The following SSH2 variants were observed in gnomAD, a reference collection of about 807,000 sequenced individuals.
SSH2 encodes protein phosphatase Slingshot homolog 2.
In SSH2, 37 loss-of-function variants were observed where a neutral mutation model predicts 135.2. The ratio of observed to expected loss-of-function variants is 0.27; its 90% CI spans 0.21 to 0.36. The LOEUF (loss-of-function observed/expected upper bound fraction) is 0.36, where lower values mean the gene tolerates loss of function less well. SSH2 is among the 10% of genes least tolerant of loss of function. The pLI, the probability that SSH2 is intolerant of heterozygous loss-of-function variation, is 1.00. For synonymous variants in SSH2, 628 were observed against 646.2 expected (o/e 0.97, Z 0.43); for missense variants, 1,408 against 1,765.3 (o/e 0.80, Z 3.63).
intron 14 of SSH2, among the ~76,000 whole-genome samples, chr17:29,642,174 A>T (rs1460417862): frequency 1.3e-5 from 2 of 152,162 alleles, no homozygotes; most frequent in African/African-American, 4.8e-5. Context: ...CCAGGAGTCC[A>T]CATCTTTCCT....
chr17:29,911,137 G>T (rs183641921), intron 1 of SSH2, among the ~76,000 whole-genome samples: 1 of 152,286 alleles, frequency 6.6e-6, no homozygotes, highest in Non-Finnish European at 1.5e-5. Flanking sequence ...GCTTAAAAGG[G>T]CTAGGTGCTA....
chr17:29,769,567 A>G (rs565939589), intron 3 of SSH2, among the ~76,000 whole-genome samples: 1 of 152,298 alleles, frequency 6.6e-6, no homozygotes, highest in Admixed American at 6.5e-5. Flanking sequence ...TGTAGTTTTT[A>G]CACAACATCC....
At chr17:29,831,985 C>T (rs1475956648) in intron 2 of SSH2, among the ~76,000 whole-genome samples, 1 of 152,086 alleles carries the variant, frequency 6.6e-6, no homozygotes, top group Non-Finnish European at 1.5e-5. Flanking sequence ...GTAAGTTTTG[C>T]TCATTTTTCA....
intron 2 of SSH2, among the ~76,000 whole-genome samples, chr17:29,829,914 A>T (rs2042812927): frequency 6.9e-6 from 1 of 145,526 alleles, no homozygotes; most frequent in South Asian, 2.1e-4. Context: ...ATCTCGGTTC[A>T]CTGCAAGCTC....
In SSH2 at chr17:29,636,480, C is replaced by G; in HGVS notation, c.1750G>C (p.Gly584Arg). Residue 584 changes from glycine (G) to arginine (R), a missense_variant, in exon 15 of 16, where the codon GGG becomes CGG. Gly to Arg is a moderately radical substitution (Grantham distance 125). Transcript: ENST00000540801. ...AATTTTGATTCATTCAGACAACACC[C>G]TGATGAGCATCCATTGATGTCATTT... Reference protein sequence around the residue: ...NLNDINGCSSGCCLNESKFPL... With the variant: ...NLNDINGCSSRCCLNESKFPL... The G allele has an allele frequency of 2.5e-6, 4 of 1,614,220 alleles. No homozygotes were observed. Among genetic ancestry groups the G allele is most frequent in the Non-Finnish European group, 3.4e-6 (4 of 1,180,030 alleles).
At chr17:29,642,454 C>A (rs2036202481) in intron 14 of SSH2, among the ~76,000 whole-genome samples, 1 of 151,990 alleles carries the variant, frequency 6.6e-6, no homozygotes, top group African/African-American at 2.4e-5. Context: ...AAATCTAAAC[C>A]TCTCTAATGG....
At chr17:29,766,669 TA>T (rs1315793714) in intron 3 of SSH2, among the ~76,000 whole-genome samples, 1 of 152,168 alleles carries the variant, frequency 6.6e-6, no homozygotes, top group Non-Finnish European at 1.5e-5. Context: ...TACATAATTT[TA>T]GTTTTAAAAT....
intron 15 of SSH2, among the ~76,000 whole-genome samples, chr17:29,634,745 G>A (rs912756274): frequency 2.0e-5 from 3 of 152,086 alleles, no homozygotes; most frequent in African/African-American, 4.8e-5. Flanking sequence ...TAGAGATGGG[G>A]TTTCACCATG....
At position 29,636,129 on chromosome 17, in the gene SSH2, A is replaced by C; in HGVS notation, c.2101T>G (p.Ser701Ala). The C allele has an allele frequency of 6.2e-7, 1 of 1,614,178 alleles. No individual in the cohort carries two copies. Among genetic ancestry groups the C allele is most frequent in the South Asian group, 1.1e-5 (1 of 91,084 alleles). Reference protein sequence around the residue: ...QETRSRSFSHSRMEELGGGRN... With the variant: ...QETRSRSFSHARMEELGGGRN... The stretch of plus-strand genomic sequence containing the variant: ...CCTCCACCCAGTTCCTCCATCCTTG[A>C]ATGGGAAAAAGATCGTGACCGGGTT... Residue 701 changes from serine (S) to alanine (A), a missense_variant, in exon 15 of 16, where the codon TCA becomes GCA. Ser to Ala is a moderately conservative substitution (Grantham distance 99, BLOSUM62 1). Coordinates refer to ENST00000540801, the MANE Select transcript of SSH2 (RefSeq NM_001282129.2).
intron 2 of SSH2, among the ~76,000 whole-genome samples, chr17:29,845,944 C>G (rs2043126313): frequency 6.6e-6 from 1 of 152,112 alleles, no homozygotes; most frequent in Non-Finnish European, 1.5e-5. Context: ...AAATATTCTT[C>G]ATGTAGATTC....
At chr17:29,855,707 A>G (rs1217085695) in intron 1 of SSH2, 1 of 155,596 alleles carries the variant, frequency 6.4e-6, no homozygotes, top group Non-Finnish European at 1.4e-5. Context: ...CTTTGCTCAA[A>G]TTATACATTT....
chr17:29,919,272 A>G (rs1207190201), intron 1 of SSH2, among the ~76,000 whole-genome samples: 1 of 152,230 alleles, frequency 6.6e-6, no homozygotes, highest in Non-Finnish European at 1.5e-5. Context: ...AAACAGTTCC[A>G]TAAAAACTAA....
chr17:29,875,438 G>T (rs894509661), intron 1 of SSH2, among the ~76,000 whole-genome samples: 2 of 151,974 alleles, frequency 1.3e-5, no homozygotes, highest in African/African-American at 2.4e-5. Flanking sequence ...CCTCTTATCT[G>T]CAATTGCCTC....
In SSH2 at chr17:29,778,678, AAATAAAGTAGC is replaced by A. The variant is rs1186049510; in HGVS notation, c.188+15205_188+15215del. ...AATAAATAAAAATAAATAAATAAAT[AAATAAAGTAGC>A]CAGGTGTGGTGGCAGGCACCTGTAA... On this transcript the variant is annotated intron_variant, in intron 3 of 15. Transcript: ENST00000540801. 2.0e-5 allele frequency among the ~76,000 whole-genome samples: 3 copies of A among 149,722 alleles called. No homozygotes were observed. In the East Asian group the frequency reaches 5.8e-4, roughly 29 times the overall value.
intron 3 of SSH2, among the ~76,000 whole-genome samples, chr17:29,768,457 A>T (rs1489664734): frequency 6.6e-6 from 1 of 152,084 alleles, no homozygotes; most frequent in Non-Finnish European, 1.5e-5. Context: ...ACACCTGTCG[A>T]GACGAAGTCT....
At chr17:29,647,991 T>G in intron 14 of SSH2, 153 bp downstream of exon 14, 2 of 764,712 alleles carry the variant, frequency 2.6e-6, no homozygotes, top group Non-Finnish European at 4.3e-6. Context: ...ATGCTTACAC[T>G]TATGTTTTGA....
At chr17:29,742,205 G>A (rs2040581934) in intron 3 of SSH2, among the ~76,000 whole-genome samples, 1 of 151,718 alleles carries the variant, frequency 6.6e-6, no homozygotes, top group African/African-American at 2.4e-5. Flanking sequence ...AAAGTGCTGG[G>A]ATTACAGGTG....
chr17:29,761,592 C>A (rs1459931513), intron 3 of SSH2, among the ~76,000 whole-genome samples: 1 of 152,110 alleles, frequency 6.6e-6, no homozygotes, highest in Non-Finnish European at 1.5e-5. Flanking sequence ...ATCCGGCGGC[C>A]CCAAGACACT....
intron 2 of SSH2, among the ~76,000 whole-genome samples, chr17:29,806,246 G>A (rs1261536725): frequency 3.3e-5 from 5 of 152,160 alleles, no homozygotes; most frequent in East Asian, 3.8e-4. Flanking sequence ...GAACCACTCC[G>A]GAATGAATGC....
Sources: allele counts gnomAD v4.1 joint callset (sites outside exome capture counted in the v4.1 genomes callset), GRCh38; gene constraint gnomAD v4.1.1; transcripts MANE v1.5; gene names NCBI Gene and HGNC (gene_info 2026-07-23, HGNC 2026-07-21).